CAST: variants seen among roughly 807,000 people sequenced by gnomAD.
The protein encoded by CAST is calpastatin, also known as MIR583 host.
In CAST, 76 loss-of-function variants were observed where a neutral mutation model predicts 119.6. That is an observed-to-expected ratio of 0.64 (90% CI 0.53 to 0.77). CAST has a LOEUF of 0.77. Among genes scored for constraint, CAST ranks in the 30% least tolerant of loss-of-function variants. The pLI is 0.00. For synonymous variants in CAST, 319 were observed against 331.6 expected (o/e 0.96, Z 0.41); for missense variants, 953 against 946.5 (o/e 1.01, Z -0.09).
At chr5:96,426,200 A>G in the CAST span, among the ~76,000 whole-genome samples, 1 of 152,180 alleles carries the variant, frequency 6.6e-6, no homozygotes, top group Non-Finnish European at 1.5e-5. Flanking sequence ...TTGTGGTTAC[A>G]GTGGAAGCAA....
At chr5:96,618,736 A>T (rs1747526480) in intron 1 of CAST, among the ~76,000 whole-genome samples, 1 of 152,204 alleles carries the variant, frequency 6.6e-6, no homozygotes. Context: ...GCCGGGCCTC[A>T]GCTGCCTCCC....
chr5:96,521,811 C>T (rs1378352462), upstream of CAST, among the ~76,000 whole-genome samples: 1 of 152,118 alleles, frequency 6.6e-6, no homozygotes, highest in Non-Finnish European at 1.5e-5. Flanking sequence ...TTGTGCAGCT[C>T]TTCACTGTGC....
chr5:96,546,652 C>A (rs1244030393), intron 1 of CAST: 1 of 152,124 alleles, frequency 6.6e-6, no homozygotes, highest in Non-Finnish European at 1.5e-5. Context: ...TTGTCACATA[C>A]ACTTCAAGTA....
chr5:96,619,220 G>A (rs1361098671), intron 1 of CAST, among the ~76,000 whole-genome samples: 4 of 151,192 alleles, frequency 2.6e-5, no homozygotes, highest in Non-Finnish European at 4.4e-5. Context: ...GTTTGTAAAC[G>A]CACCAATCAG....
chr5:96,425,040 G>GAAAGAAAGAAAA, the CAST span, among the ~76,000 whole-genome samples: 2 of 140,240 alleles, frequency 1.4e-5, no homozygotes, highest in African/African-American at 5.6e-5. Flanking sequence ...AAGAAAGAAA[G>GAAAGAAAGAAAA]AAAGAAAGAA....
the CAST span, among the ~76,000 whole-genome samples, chr5:96,479,792 T>C: frequency 1.3e-5 from 2 of 152,080 alleles, no homozygotes; most frequent in African/African-American, 4.8e-5. Context: ...CCATGGGCCT[T>C]ACAGTCTATG....
At chr5:96,651,311 C>G (rs905264565) in intron 1 of CAST, among the ~76,000 whole-genome samples, 13 of 152,192 alleles carry the variant, frequency 8.5e-5, no homozygotes, top group African/African-American at 1.9e-4. Context: ...CTGAGACATT[C>G]TAACGTGGGA....
intron 1 of CAST, among the ~76,000 whole-genome samples, chr5:96,534,839 A>AGGAAGGAAGGAGGGAGGGAG (rs1390043237): frequency 8.2e-5 from 11 of 134,590 alleles, no homozygotes; most frequent in African/African-American, 2.4e-4. Flanking sequence ...GAAGGAAAGA[A>AGGAAGGAAGGAGGGAGGGAG]GGAAGGAAGG....
At chr5:96,744,687 T>C (rs61378839) in intron 16 of CAST, among the ~76,000 whole-genome samples, 2 of 152,154 alleles carry the variant, frequency 1.3e-5, no homozygotes, top group Non-Finnish European at 2.9e-5. Flanking sequence ...CCCGACTTAG[T>C]GGGTCCTTTA....
At chr5:96,582,896 T>A (rs1245298351) in intron 1 of CAST, among the ~76,000 whole-genome samples, 1 of 152,214 alleles carries the variant, frequency 6.6e-6, no homozygotes, top group Non-Finnish European at 1.5e-5. Flanking sequence ...TGCATAAGTT[T>A]GTATAGAAAA....
chr5:96,013,214 G>GTTTTTT, the CAST span, among the ~76,000 whole-genome samples: 1 of 148,318 alleles, frequency 6.7e-6, no homozygotes. Context: ...TTTGCTCCAA[G>GTTTTTT]CCCTGTTCCC....
At chr5:96,459,769 T>C in the CAST span, among the ~76,000 whole-genome samples, 6 of 152,216 alleles carry the variant, frequency 3.9e-5, no homozygotes, top group Non-Finnish European at 8.8e-5. Flanking sequence ...AACATATTTG[T>C]CTTGGGACAT....
chr5:96,548,523 C>A (rs1746059190), intron 1 of CAST, among the ~76,000 whole-genome samples: 1 of 152,058 alleles, frequency 6.6e-6, no homozygotes, highest in Admixed American at 6.5e-5. Context: ...AGATGCACCC[C>A]CCGCCCCCCA....
At chr5:96,640,010 G>A (rs75377733) in intron 1 of CAST, among the ~76,000 whole-genome samples, 3,327 of 151,662 alleles carry the variant, frequency 0.022, 47 homozygotes, top group Non-Finnish European at 0.035. Context: ...GAGTAAACCA[G>A]AAAAAAAAGA....
the CAST span, among the ~76,000 whole-genome samples, chr5:96,085,214 TA>T: frequency 6.6e-6 from 1 of 152,182 alleles, no homozygotes; most frequent in Non-Finnish European, 1.5e-5. Flanking sequence ...ATTGAATGTC[TA>T]CTGTCTATCA....
intron 9 of CAST, among the ~76,000 whole-genome samples, chr5:96,734,254 C>T (rs753803910): frequency 1.1e-4 from 16 of 152,160 alleles, no homozygotes; most frequent in Non-Finnish European, 2.2e-4. Context: ...CTGTGGAGAA[C>T]CCTAAGGTGA....
chr5:96,424,981 G>GAAAGAAAGAAAGAAAGAGAAAGAAAGA, the CAST span, among the ~76,000 whole-genome samples: 12 of 126,114 alleles, frequency 9.5e-5, no homozygotes, highest in Admixed American at 3.3e-4. Context: ...AAGAAAGATA[G>GAAAGAAAGAAAGAAAGAGAAAGAAAGA]AAAGAAAGAA....
At chr5:96,608,564 C>T (rs576785345) in intron 1 of CAST, among the ~76,000 whole-genome samples, 1 of 151,968 alleles carries the variant, frequency 6.6e-6, no homozygotes, top group East Asian at 1.9e-4. Flanking sequence ...AGAGAAAGTT[C>T]TCATGCATAA....
chr5:96,675,839 G>A (rs544446230), intron 2 of CAST: 57 of 401,136 alleles, frequency 1.4e-4, no homozygotes, highest in African/African-American at 1.1e-3. Context: ...GAACTTTGTT[G>A]CTTAGGGTGT....
Sources: allele counts gnomAD v4.1 joint callset (sites outside exome capture counted in the v4.1 genomes callset), GRCh38; gene constraint gnomAD v4.1.1; transcripts MANE v1.5; gene names NCBI Gene and HGNC (gene_info 2026-07-23, HGNC 2026-07-21).